NGF: variants seen among roughly 807,000 people sequenced by gnomAD.
NGF encodes the protein nerve growth factor, also known as beta-nerve growth factor.
A neutral mutation model predicts 12.8 loss-of-function variants in NGF; 4 were observed. The ratio of observed to expected loss-of-function variants is 0.31; its 90% CI spans 0.15 to 0.72. The LOEUF (loss-of-function observed/expected upper bound fraction) is 0.72. Ranked by LOEUF, NGF falls within the 30% of genes least tolerant of loss-of-function variation. The pLI is 0.69. For synonymous variants in NGF, 140 were observed against 130.0 expected, an observed-to-expected ratio of 1.08 and a Z score of -0.52; for missense variants, 283 against 330.8, an observed-to-expected ratio of 0.86 and a Z score of 1.12.
intron 1 of NGF, among the ~76,000 whole-genome samples, chr1:115,313,294 T>G (rs4240544): frequency 0.84 from 127,160 of 151,858 alleles, 53,604 homozygotes; most frequent in African/African-American, 0.93. Context: ...ATCTTTGGAG[T>G]TGTCTTTTCT....
intron 1 of NGF, among the ~76,000 whole-genome samples, chr1:115,308,689 AAAAT>A (rs1291598167): frequency 1.2e-4 from 18 of 152,196 alleles, no homozygotes; most frequent in African/African-American, 4.3e-4. Flanking sequence ...TAATCAGAAA[AAAAT>A]AAAAAGAGAG....
At chr1:115,304,495 G>A (rs1654142354) in intron 1 of NGF, among the ~76,000 whole-genome samples, 1 of 151,704 alleles carries the variant, frequency 6.6e-6, no homozygotes, top group African/African-American at 2.4e-5. Flanking sequence ...ACCAGGTAAG[G>A]AATTATGTAC....
At chr1:115,309,338 A>G (rs1407053860) in intron 1 of NGF, among the ~76,000 whole-genome samples, 1 of 152,252 alleles carries the variant, frequency 6.6e-6, no homozygotes, top group Non-Finnish European at 1.5e-5. Flanking sequence ...TATTAGCAGT[A>G]GTTGAATTAG....
Position 115,286,091 on chromosome 1 carries a change from C to T in NGF, c.705G>A (p.Arg235=). ...IDTACVCVLS[R]KAVRRA is the part of the protein sequence containing the mutation. ...CAGGTCAGGCTCTTCTCACAGCCTT[C>T]CTGCTGAGCACACACACACAGGCCG... The change falls in exon 3 of 3, where the codon AGG becomes AGA. Residue 235 remains arginine, a synonymous_variant. Coordinates refer to ENST00000369512, the MANE Select transcript of NGF (RefSeq NM_002506.3). 2 of 1,613,468 alleles carry T rather than the reference C, an allele frequency of 1.2e-6. No homozygotes were observed. Among genetic ancestry groups the T allele is most frequent in the Middle Eastern group, 1.7e-4 (1 of 5,978 alleles).
chr1:115,318,410 G>C (rs1654526715), intron 1 of NGF, among the ~76,000 whole-genome samples: 1 of 152,108 alleles, frequency 6.6e-6, no homozygotes, highest in Non-Finnish European at 1.5e-5. Flanking sequence ...GGTGGGGATG[G>C]GGTCAATGGA....
At chr1:115,297,390 G>A (rs992153927) in intron 1 of NGF, among the ~76,000 whole-genome samples, 1 of 152,156 alleles carries the variant, frequency 6.6e-6, no homozygotes, top group Non-Finnish European at 1.5e-5. Flanking sequence ...AACAGCCAAA[G>A]TTATGTTGTG....
At chr1:115,324,354 T>C (rs1280175102) in intron 1 of NGF, among the ~76,000 whole-genome samples, 1 of 152,180 alleles carries the variant, frequency 6.6e-6, no homozygotes, top group East Asian at 1.9e-4. Flanking sequence ...GGTTTGATTT[T>C]GTCCCTTATC....
At chr1:115,294,348 T>A (rs1198207406) in intron 1 of NGF, among the ~76,000 whole-genome samples, 8 of 152,212 alleles carry the variant, frequency 5.3e-5, no homozygotes, top group Non-Finnish European at 1.0e-4. Context: ...GATACAATTT[T>A]AAAAAATCAA....
At chr1:115,318,855 A>G (rs1654542427) in intron 1 of NGF, among the ~76,000 whole-genome samples, 1 of 152,162 alleles carries the variant, frequency 6.6e-6, no homozygotes, top group South Asian at 2.1e-4. Context: ...CTAGCCATCA[A>G]TAGCTGGCAA....
chr1:115,328,759 A>G (rs1266623002), intron 1 of NGF, among the ~76,000 whole-genome samples: 2 of 152,174 alleles, frequency 1.3e-5, no homozygotes, highest in Non-Finnish European at 2.9e-5. Flanking sequence ...AAGGCCATGA[A>G]AGGCCATGCT....
chr1:115,337,251 T>G (rs1430413153), intron 1 of NGF, among the ~76,000 whole-genome samples: 10 of 143,980 alleles, frequency 6.9e-5, no homozygotes, highest in East Asian at 2.0e-4. Flanking sequence ...CTCGAAATTT[T>G]TTTTGTTTTG....
At chr1:115,318,825 C>G (rs1266911402) in intron 1 of NGF, among the ~76,000 whole-genome samples, 1 of 152,182 alleles carries the variant, frequency 6.6e-6, no homozygotes, top group Admixed American at 6.5e-5. Flanking sequence ...ATGCAGCTGA[C>G]AATCAGAATG....
In NGF at chr1:115,286,425, G is replaced by A. The variant is rs1011323001; in HGVS notation, c.371C>T (p.Ser124Phe). Residue 124 changes from serine (S) to phenylalanine (F), a missense_variant, in exon 3 of 3, where the codon TCC becomes TTC. Ser to Phe is a radical substitution (Grantham distance 155, BLOSUM62 -2). This residue lies in a region of NGF where 132 missense variants were observed against 189.2 expected (regional missense o/e 0.70). Transcript: ENST00000369512. Reference sequence around the variant, plus strand: ...TTCGCCCCTGTGGAAGATGGGATGGGATGATGACCGCTTGCTCCTGTGAGT... The same window carrying A: ...TTCGCCCCTGTGGAAGATGGGATGGAATGATGACCGCTTGCTCCTGTGAGT... ...NRTHRSKRSSSHPIFHRGEFS... is the reference protein window; with the variant it reads ...NRTHRSKRSSFHPIFHRGEFS... 3.7e-6 allele frequency: 6 copies of A among 1,613,824 alleles called. No homozygotes were observed. The Admixed American group carries it at 1.0e-4, about 27-fold the overall frequency.
chr1:115,337,267 G>GTTTGTTTTTTTTTTTTTTTTTTTTTTTT lies in NGF; in HGVS notation c.-137+936_-137+937insAAAAAAAAAAAAAAAAAAAAAAAACAAA. Among the ~76,000 whole-genome samples the GTTTGTTTTTTTTTTTTTTTTTTTTTTTT allele has an allele frequency of 8.9e-4, 72 of 81,030 alleles. 16 individuals carry two copies. Among genetic ancestry groups the GTTTGTTTTTTTTTTTTTTTTTTTTTTTT allele is most frequent in the African/African-American group, 1.0e-3 (19 of 18,896 alleles). 53.2% of individuals were successfully genotyped at this position (81,030 alleles called of 152,430 possible). A position where few individuals can be genotyped will look rare whatever the true frequency, so the allele number is the denominator to read the frequency against. On this transcript the variant is annotated intron_variant, in intron 1 of 2. Transcript: ENST00000369512. Reference sequence around the variant, plus strand: ...TCGAAATTTTTTTTGTTTTGTTTTTGTTTTTTTTTTTTTTTTTTTTTTTTT... The same window carrying GTTTGTTTTTTTTTTTTTTTTTTTTTTTT: ...TCGAAATTTTTTTTGTTTTGTTTTTGTTTGTTTTTTTTTTTTTTTTTTTTTTTTTTTTTTTTTTTTTTTTTTTTTTTTT...
chr1:115,327,432 G>A (rs1654807978), intron 1 of NGF, among the ~76,000 whole-genome samples: 1 of 152,056 alleles, frequency 6.6e-6, no homozygotes, highest in Non-Finnish European at 1.5e-5. Flanking sequence ...CTGACACATG[G>A]GCATGAAATC....
At chr1:115,333,706 TTTCTTTCTTTTCTTTCTTTCCTTCTTTC>T (rs1463541876) in intron 1 of NGF, among the ~76,000 whole-genome samples, 801 of 52,896 alleles carry the variant, frequency 0.015, 16 homozygotes, top group South Asian at 0.053. Flanking sequence ...TCTTTCTTTC[TTTCTTTCTTTTCTTTCTTTCCTTCTTTC>T]TTTCTTTCTT....
intron 1 of NGF, among the ~76,000 whole-genome samples, chr1:115,298,239 GC>G (rs1052213383): frequency 2.6e-5 from 4 of 152,114 alleles, no homozygotes; most frequent in African/African-American, 9.7e-5. Flanking sequence ...CTCTGGCAAT[GC>G]CCATTATTGA....
intron 1 of NGF, among the ~76,000 whole-genome samples, chr1:115,308,977 A>G (rs1475863367): frequency 6.6e-6 from 1 of 152,204 alleles, no homozygotes; most frequent in Non-Finnish European, 1.5e-5. Flanking sequence ...CCTTTCAGAC[A>G]TTGATTTTAG....
intron 1 of NGF, among the ~76,000 whole-genome samples, chr1:115,333,775 T>G (rs1226844400): frequency 7.8e-6 from 1 of 128,878 alleles, no homozygotes; most frequent in African/African-American, 3.5e-5. Context: ...CTCTCTTTCT[T>G]CATTCCTTCC....
Sources: allele counts gnomAD v4.1 joint callset (sites outside exome capture counted in the v4.1 genomes callset), GRCh38; gene constraint gnomAD v4.1.1; regional missense constraint gnomAD v4.1.1; transcripts MANE v1.5; gene names NCBI Gene and HGNC (gene_info 2026-07-23, HGNC 2026-07-21).